GCH1: variants seen among roughly 807,000 people sequenced by gnomAD.
GCH1 encodes GTP cyclohydrolase I.
GCH1 carries 5 observed loss-of-function variants against 25.9 expected under a neutral mutation model. That is an observed-to-expected ratio of 0.19 (90% CI 0.10 to 0.41). The LOEUF is 0.41. Among genes scored for constraint, GCH1 ranks in the 10% least tolerant of loss-of-function variants. The pLI is 1.00. For missense variants in GCH1, 261 were observed against 336.5 expected, an observed-to-expected ratio of 0.78 and a Z score of 1.75; for synonymous variants, 159 against 129.6, an observed-to-expected ratio of 1.23 and a Z score of -1.54.
intron 1 of GCH1, among the ~76,000 whole-genome samples, chr14:54,866,705 C>T (rs918430132): frequency 6.6e-6 from 1 of 152,110 alleles, no homozygotes; most frequent in Non-Finnish European, 1.5e-5. Flanking sequence ...AGTGGCTCCA[C>T]TGCTACTAGA....
chr14:54,885,546 C>T (rs1227247557), intron 1 of GCH1: 1 of 372,330 alleles, frequency 2.7e-6, no homozygotes, highest in Non-Finnish European at 5.1e-6. Context: ...AGCAGATCTG[C>T]CCCCAGCAAG....
intron 1 of GCH1, among the ~76,000 whole-genome samples, chr14:54,873,043 A>T (rs1428704900): frequency 6.6e-6 from 1 of 151,998 alleles, no homozygotes; most frequent in African/African-American, 2.4e-5. Context: ...AAATCAACAG[A>T]ATATACATTC....
In GCH1 at chr14:54,902,797, C is replaced by T. The variant is rs1395532020; in HGVS notation, c.-134G>A. On this transcript the variant is annotated 5_prime_UTR_variant, in exon 1 of 6. Transcript: ENST00000491895. ...AGGAAGGTACGCAACCTGCTTAGAT[C>T]ACACTCCGAGCCGGGAGCGGCCACA... 3 of 1,170,952 alleles carry T rather than the reference C, an allele frequency of 2.6e-6. No homozygotes were observed. Among genetic ancestry groups the T allele is most frequent in the African/African-American group, 1.6e-5 (1 of 62,072 alleles). 72.5% of individuals were successfully genotyped at this position (1,170,952 alleles called of 1,614,324 possible).
rs546702259 is a variant in GCH1, at chr14:54,873,053, C to A, written c.344-7617G>T. Among the ~76,000 whole-genome samples the A allele has an allele frequency of 2.3e-3, 355 of 152,090 alleles. 2 individuals carry two copies. The highest frequency in any genetic ancestry group is 8.0e-3 in the African/African-American group (333 of 41,414). ...ACCCCAAATCAACAGAATATACATT[C>A]TTCTCAGCACCACATCACACTTATT... is the stretch of plus-strand genomic sequence containing the variant. On this transcript the variant is annotated intron_variant, in intron 1 of 5. Transcript: ENST00000491895.
At chr14:54,872,130 C>T (rs1244101001) in intron 1 of GCH1, among the ~76,000 whole-genome samples, 5 of 152,166 alleles carry the variant, frequency 3.3e-5, no homozygotes, top group South Asian at 2.1e-4. Context: ...GGAAGCCCAT[C>T]GGACTAACAG....
chr14:54,893,956 T>C (rs565682593), intron 1 of GCH1, among the ~76,000 whole-genome samples: 130 of 152,336 alleles, frequency 8.5e-4, no homozygotes, highest in Middle Eastern at 6.8e-3. Flanking sequence ...TGATTCTATC[T>C]GCTAGGCTGT....
At chr14:54,876,672 A>C (rs1358052373) in intron 1 of GCH1, among the ~76,000 whole-genome samples, 2 of 151,910 alleles carry the variant, frequency 1.3e-5, no homozygotes, top group South Asian at 4.2e-4. Context: ...TCTAAAAATC[A>C]TAATAATAAT....
rs192551340 is a variant in GCH1 at position 54,845,635 on chromosome 14, C to T, written c.626+133G>A. On this transcript the variant is annotated intron_variant, in intron 5 of 5. Coordinates refer to ENST00000491895, the MANE Select transcript of GCH1 (RefSeq NM_000161.3). ...GAAAGTGGTAAAAGAGCTTTAGGCT[C>T]AGGGATGGAAATCTACAGTTATCAT... The T allele has an allele frequency of 5.1e-4, 372 of 734,276 alleles. 2 individuals carry two copies. The Middle Eastern group carries it at 7.3e-3, about 14-fold the overall frequency. The allele number at this position is 734,276 out of a possible 1,614,324, so 45.5% of individuals were successfully genotyped here. A position where few individuals can be genotyped will look rare whatever the true frequency, so the allele number is the denominator to read the frequency against.
chr14:54,856,213 C>G (rs969749524), intron 3 of GCH1, among the ~76,000 whole-genome samples: 1 of 152,188 alleles, frequency 6.6e-6, no homozygotes, highest in East Asian at 1.9e-4. Flanking sequence ...CCCTCCACCT[C>G]CAGGTCTATT....
intron 2 of GCH1, among the ~76,000 whole-genome samples, chr14:54,862,835 A>C (rs1194965246): frequency 6.6e-6 from 1 of 151,950 alleles, no homozygotes; most frequent in Non-Finnish European, 1.5e-5. Context: ...GGAAATCCAG[A>C]GGCTGAAGGA....
chr14:54,859,621 C>A, intron 3 of GCH1, 60 bp downstream of exon 3: 1 of 896,550 alleles, frequency 1.1e-6, no homozygotes, highest in South Asian at 1.3e-5. Flanking sequence ...GATAGATTCT[C>A]AGCAGATGAG....
chr14:54,844,118 C>T lies in GCH1; in HGVS notation c.652G>A (p.Val218Ile), dbSNP rs1356427006. 3 of 1,613,234 alleles carry T rather than the reference C, an allele frequency of 1.9e-6. No individual in the cohort carries two copies. Among genetic ancestry groups the T allele is most frequent in the Non-Finnish European group, 2.5e-6 (3 of 1,179,144 alleles). The change falls in exon 6 of 6, where the codon GTA becomes ATA. Residue 218 changes from valine (V) to isoleucine (I), a missense_variant. By Grantham distance (29) the Val-to-Ile change is conservative. Around this residue, in one of 3 missense-constraint regions of GCH1, gnomAD observed 130 missense variants for 184.1 expected, o/e 0.71. Coordinates refer to ENST00000491895, the MANE Select transcript of GCH1 (RefSeq NM_000161.3). The part of the protein sequence containing the change: ...ATHMCMVMRG[V>I]QKMNSKTVTS... ...ACAGTTTTGCTGTTCATTTTCTGTACACCTCGCATTACCATACACATGTGT... is the reference window on the plus strand; with the variant it reads ...ACAGTTTTGCTGTTCATTTTCTGTATACCTCGCATTACCATACACATGTGT...
chr14:54,870,069 G>A (rs1035666792), intron 1 of GCH1, among the ~76,000 whole-genome samples: 2 of 152,060 alleles, frequency 1.3e-5, no homozygotes, highest in Non-Finnish European at 2.9e-5. Flanking sequence ...AACTTTTTTG[G>A]GTGATGGAAA....
Position 54,843,227 on chromosome 14 carries a change from T to C in GCH1, c.*790A>G. On this transcript the variant is annotated 3_prime_UTR_variant, in exon 6 of 6. Transcript: ENST00000491895. ...GCTGACTAGTTATTTGCAGTGTGAG[T>C]ACTAAGTCTCATAAAATAATGGCTT... The C allele has an allele frequency of 7.1e-7, 1 of 1,411,098 alleles. No homozygotes were observed. Among genetic ancestry groups the C allele is most frequent in the Non-Finnish European group, 9.2e-7 (1 of 1,088,284 alleles). 87.4% of individuals were successfully genotyped at this position (1,411,098 alleles called of 1,614,324 possible). A position where few individuals can be genotyped will look rare whatever the true frequency, so the allele number is the denominator to read the frequency against.
intron 2 of GCH1, among the ~76,000 whole-genome samples, chr14:54,860,906 A>C (rs971520796): frequency 1.3e-5 from 2 of 152,146 alleles, no homozygotes; most frequent in African/African-American, 4.8e-5. Context: ...GCACCCTAAG[A>C]ACTAAGTTTT....
At chr14:54,863,520 A>G (rs1341671330) in intron 2 of GCH1, among the ~76,000 whole-genome samples, 10 of 148,898 alleles carry the variant, frequency 6.7e-5, no homozygotes, top group African/African-American at 2.5e-4. Context: ...AAAAAAAAAA[A>G]AGAGGCAACA....
chr14:54,878,352 T>C (rs1329518940), intron 1 of GCH1, among the ~76,000 whole-genome samples: 1 of 152,178 alleles, frequency 6.6e-6, no homozygotes, highest in Non-Finnish European at 1.5e-5. Context: ...TCCTAAAGGA[T>C]AGGAAAGAGC....
chr14:54,876,566 G>A (rs2040164201), intron 1 of GCH1, among the ~76,000 whole-genome samples: 1 of 152,118 alleles, frequency 6.6e-6, no homozygotes, highest in Admixed American at 6.5e-5. Flanking sequence ...GGCTGAAGCA[G>A]GAGGATCCCT....
At chr14:54,898,052 G>A (rs1238579736) in intron 1 of GCH1, among the ~76,000 whole-genome samples, 1 of 152,150 alleles carries the variant, frequency 6.6e-6, no homozygotes, top group Non-Finnish European at 1.5e-5. Context: ...AATGAATGCT[G>A]CAGGCAACTG....
Sources: allele counts gnomAD v4.1 joint callset (sites outside exome capture counted in the v4.1 genomes callset), GRCh38; gene constraint gnomAD v4.1.1; regional missense constraint gnomAD v4.1.1; transcripts MANE v1.5; gene names NCBI Gene and HGNC (gene_info 2026-07-23, HGNC 2026-07-21).